Variants in TBC1D19 observed in about 807,000 individuals in gnomAD.
TBC1D19 encodes the protein TBC1 domain family, member 19.
Under a neutral mutation model 89.0 loss-of-function variants are expected in TBC1D19, and 60 were observed. The ratio of observed to expected loss-of-function variants is 0.67; its 90% CI spans 0.55 to 0.84. TBC1D19 has a LOEUF of 0.84. Among genes scored for constraint, TBC1D19 ranks in the 40% least tolerant of loss-of-function variants. TBC1D19 has a pLI of 0.00. For synonymous variants in TBC1D19, 189 were observed against 199.7 expected (o/e 0.95, Z 0.45); for missense variants, 500 against 610.8 (o/e 0.82, Z 1.91).
chr4:26,654,229 C>T (rs964018632), intron 7 of TBC1D19, among the ~76,000 whole-genome samples: 6 of 152,168 alleles, frequency 3.9e-5, no homozygotes, highest in Non-Finnish European at 7.3e-5. Flanking sequence ...TGTAGAGTTG[C>T]TGCTGAGAGA....
chr4:26,721,786 CTA>C (rs1026789026), intron 15 of TBC1D19, among the ~76,000 whole-genome samples: 1 of 152,112 alleles, frequency 6.6e-6, no homozygotes, highest in African/African-American at 2.4e-5. Flanking sequence ...CAATATCAAA[CTA>C]TTTATTATTT....
chr4:26,746,735 C>A (rs1718672185), intron 18 of TBC1D19, among the ~76,000 whole-genome samples: 1 of 151,826 alleles, frequency 6.6e-6, no homozygotes, highest in African/African-American at 2.4e-5. Context: ...TGATAAAGTT[C>A]AATTTATAAT....
downstream of TBC1D19, among the ~76,000 whole-genome samples, chr4:26,757,584 G>A (rs1272178268): frequency 6.6e-6 from 1 of 152,164 alleles, no homozygotes; most frequent in South Asian, 2.1e-4. Flanking sequence ...TAATGGTTTT[G>A]TTGAGAATGC....
At chr4:26,634,325 G>C (rs553347777) in intron 4 of TBC1D19, among the ~76,000 whole-genome samples, 18 of 152,088 alleles carry the variant, frequency 1.2e-4, no homozygotes, top group Non-Finnish European at 2.2e-4. Flanking sequence ...GGGTCCCATG[G>C]CATTATTCAG....
chr4:26,792,189 T>C, the TBC1D19 span, among the ~76,000 whole-genome samples: 1 of 152,078 alleles, frequency 6.6e-6, no homozygotes, highest in Non-Finnish European at 1.5e-5. Flanking sequence ...ATCCTGGTTG[T>C]TGTGTGTAAC....
chr4:26,598,046 C>T (rs1740344208), intron 1 of TBC1D19, among the ~76,000 whole-genome samples: 1 of 152,066 alleles, frequency 6.6e-6, no homozygotes, highest in Non-Finnish European at 1.5e-5. Context: ...CATTTTAAAT[C>T]TGTATATATT....
chr4:26,815,152 A>G, the TBC1D19 span, among the ~76,000 whole-genome samples: 2 of 152,392 alleles, frequency 1.3e-5, no homozygotes, highest in East Asian at 3.9e-4. Context: ...TCAAACAGGA[A>G]TCTGCTGTGG....
intron 20 of TBC1D19, 33 bp downstream of exon 20, chr4:26,753,923 A>G: frequency 1.2e-6 from 2 of 1,611,650 alleles, no homozygotes; most frequent in South Asian, 2.2e-5. Context: ...TGGGATGGAA[A>G]TAGTTTCTGA....
intron 11 of TBC1D19, among the ~76,000 whole-genome samples, chr4:26,682,677 C>T (rs549446020): frequency 4.8e-4 from 73 of 152,194 alleles, no homozygotes; most frequent in Non-Finnish European, 8.5e-4. Flanking sequence ...TCAGCTAAAG[C>T]AACGAGACAC....
At chr4:26,710,033 T>A (rs887160448) in intron 13 of TBC1D19, among the ~76,000 whole-genome samples, 14 of 151,974 alleles carry the variant, frequency 9.2e-5, no homozygotes, top group African/African-American at 2.9e-4. Context: ...GAGTGTTTTT[T>A]TTTATTTTTT....
intron 18 of TBC1D19, among the ~76,000 whole-genome samples, chr4:26,744,181 C>T (rs1718520632): frequency 6.6e-6 from 1 of 151,620 alleles, no homozygotes; most frequent in South Asian, 2.1e-4. Flanking sequence ...ATAATATTCT[C>T]TATGCTTAGC....
At chr4:26,841,256 G>A in the TBC1D19 span, among the ~76,000 whole-genome samples, 1 of 152,044 alleles carries the variant, frequency 6.6e-6, no homozygotes, top group African/African-American at 2.4e-5. Flanking sequence ...GCATGGTGGC[G>A]TGTGCCTGTA....
At chr4:26,792,167 C>CT in the TBC1D19 span, among the ~76,000 whole-genome samples, 1,334 of 144,496 alleles carry the variant, frequency 9.2e-3, 16 homozygotes, top group Middle Eastern at 0.028. Context: ...AGAATAAACT[C>CT]TTTTTTTTTT....
chr4:26,844,423 G>T, the TBC1D19 span, among the ~76,000 whole-genome samples: 1 of 152,238 alleles, frequency 6.6e-6, no homozygotes. Flanking sequence ...CTAGCTAAGT[G>T]GATTTCCAGA....
upstream of TBC1D19, among the ~76,000 whole-genome samples, chr4:26,580,874 T>C (rs1725704988): frequency 6.6e-6 from 1 of 152,176 alleles, no homozygotes; most frequent in South Asian, 2.1e-4. Context: ...CACTAGTCAG[T>C]GGTTTTCAAA....
At chr4:26,639,496 G>T (rs76357877) in intron 6 of TBC1D19, among the ~76,000 whole-genome samples, 1,714 of 152,110 alleles carry the variant, frequency 0.011, 35 homozygotes, top group African/African-American at 0.04. Flanking sequence ...GTTAAAAATA[G>T]GATAAATAGT....
chr4:26,579,364 T>A (rs1420312655), upstream of TBC1D19, among the ~76,000 whole-genome samples: 1 of 152,204 alleles, frequency 6.6e-6, no homozygotes, highest in Non-Finnish European at 1.5e-5. Flanking sequence ...GCGGTGATCA[T>A]GTGACAAAGC....
chr4:26,844,302 G>A, the TBC1D19 span, among the ~76,000 whole-genome samples: 2 of 152,158 alleles, frequency 1.3e-5, no homozygotes, highest in African/African-American at 4.8e-5. Context: ...GACCTGTTAT[G>A]TACTCCAGGT....
chr4:26,715,882 A>T (rs527272244), intron 13 of TBC1D19, among the ~76,000 whole-genome samples: 1 of 152,198 alleles, frequency 6.6e-6, no homozygotes, highest in South Asian at 2.1e-4. Context: ...CACTGCTGCC[A>T]TCTTAGTGAA....
Sources: allele counts gnomAD v4.1 joint callset (sites outside exome capture counted in the v4.1 genomes callset), GRCh38; gene constraint gnomAD v4.1.1; transcripts MANE v1.5; gene names NCBI Gene and HGNC (gene_info 2026-07-23, HGNC 2026-07-21).